The following ZNF547 variants were observed in gnomAD, a reference collection of about 807,000 sequenced individuals.
ZNF547 encodes zinc finger protein 547.
Under a neutral mutation model 7.7 loss-of-function variants are expected in ZNF547, and 4 were observed. The observed-to-expected ratio is 0.52, with a 90% CI of 0.26 to 1.20. ZNF547 has a LOEUF of 1.20. Ranked by LOEUF, ZNF547 falls within the 50% of genes most tolerant of loss-of-function variation. The pLI is 0.14. For synonymous variants in ZNF547, 166 were observed against 166.2 expected (o/e 1.00, Z 0.01); for missense variants, 449 against 485.8 (o/e 0.92, Z 0.71).
chr19:57,364,824 A>G (rs772918664), intron 1 of ZNF547: 6 of 1,597,780 alleles, frequency 3.8e-6, no homozygotes, highest in Non-Finnish European at 4.3e-6. Context: ...GGAGCCATAT[A>G]TTGAAGACCA....
chr19:57,378,794 C>G lies in ZNF547; in HGVS notation c.*609C>G. ...TTAACATTGTTGAGCAAAGAATATCCTGAACTCTTTATCTTGTAAAATGAA... is the reference window on the plus strand; with the variant it reads ...TTAACATTGTTGAGCAAAGAATATCGTGAACTCTTTATCTTGTAAAATGAA... On this transcript the variant is annotated 3_prime_UTR_variant, in exon 4 of 4. Coordinates refer to ENST00000282282, the MANE Select transcript of ZNF547 (RefSeq NM_173631.4). 2.2e-6 allele frequency: 1 copy of G among 447,400 alleles called. No homozygotes were observed. The highest frequency in any genetic ancestry group is 6.4e-5 in the East Asian group (1 of 15,630). 27.7% of individuals were successfully genotyped at this position (447,400 alleles called of 1,614,324 possible).
chr19:57,374,779 G>T (rs2088526190), intron 3 of ZNF547, among the ~76,000 whole-genome samples: 1 of 152,096 alleles, frequency 6.6e-6, no homozygotes, highest in Admixed American at 6.5e-5. Context: ...CTTTACTCCA[G>T]TCCCCAACAA....
At chr19:57,368,275 C>T (rs915258107) in intron 1 of ZNF547, 9 of 413,598 alleles carry the variant, frequency 2.2e-5, no homozygotes, top group African/African-American at 8.1e-5. Context: ...TGATGAGCAA[C>T]GAGTGTTTGA....
chr19:57,363,731 C>CCA (rs374592293), intron 1 of ZNF547, 28 bp downstream of exon 1: 10,538 of 151,236 alleles, frequency 0.07, 461 homozygotes, highest in African/African-American at 0.13. Flanking sequence ...GGCCCCCCCC[C>CCA]ACCTCCGCCC....
At position 57,371,773 on chromosome 19, in the gene ZNF547, A is replaced by G. The variant is rs771809424; in HGVS notation, c.25-9A>G. Reference sequence around the variant, plus strand: ...GCTGCTCATGTATTCATCTTTCCCAATTTGGCAGGGTCATGTGGTTTTTGA... The same window carrying G: ...GCTGCTCATGTATTCATCTTTCCCAGTTTGGCAGGGTCATGTGGTTTTTGA... On this transcript the variant is annotated splice_polypyrimidine_tract_variant and intron_variant, in intron 2 of 3. Transcript: ENST00000282282. 7 of 1,603,302 alleles carry G rather than the reference A, an allele frequency of 4.4e-6. No homozygotes were observed. The highest frequency in any genetic ancestry group is 1.7e-4 in the Middle Eastern group (1 of 6,012).
At chr19:57,365,062 A>G (rs762009429) in intron 1 of ZNF547, 7 of 1,611,118 alleles carry the variant, frequency 4.3e-6, no homozygotes, top group Non-Finnish European at 5.9e-6. Context: ...AGCATTTGTC[A>G]CCGCGGGGCA....
intron 1 of ZNF547, among the ~76,000 whole-genome samples, chr19:57,366,284 G>A (rs12052112): frequency 6.7e-6 from 1 of 150,310 alleles, no homozygotes; most frequent in African/African-American, 2.5e-5. Context: ...GCAGTGGCAC[G>A]ATCTTGGCTC....
chr19:57,371,707 T>G (rs776244080), intron 2 of ZNF547, 75 bp from the exon 3 acceptor site: 2 of 1,532,174 alleles, frequency 1.3e-6, no homozygotes, highest in Non-Finnish European at 1.8e-6. Context: ...TAAATATAAG[T>G]AGAAAATAAA....
chr19:57,375,913 AG>A (rs2088533168), intron 3 of ZNF547, among the ~76,000 whole-genome samples: 1 of 152,078 alleles, frequency 6.6e-6, no homozygotes, highest in South Asian at 2.1e-4. Context: ...CTGTAATCCC[AG>A]CACTTTGGGA....
intron 3 of ZNF547, among the ~76,000 whole-genome samples, chr19:57,376,076 T>C (rs1290112809): frequency 6.6e-6 from 1 of 152,146 alleles, no homozygotes. Context: ...GGCAGGATAA[T>C]CACTTGAACC....
At chr19:57,376,103 C>G (rs1330531550) in intron 3 of ZNF547, among the ~76,000 whole-genome samples, 1 of 152,158 alleles carries the variant, frequency 6.6e-6, no homozygotes, top group Non-Finnish European at 1.5e-5. Flanking sequence ...GCAGATGTTG[C>G]AGTTAGCAGA....
At chr19:57,366,434 T>G (rs2088470208) in intron 1 of ZNF547, among the ~76,000 whole-genome samples, 1 of 151,082 alleles carries the variant, frequency 6.6e-6, no homozygotes, top group South Asian at 2.1e-4. Context: ...GGTCTTGAAC[T>G]CCTGACCTCA....
rs755846192 is a variant in ZNF547, at chr19:57,377,144, T to G, written c.168T>G (p.Ala56=). The change falls in exon 4 of 4, where the codon GCT becomes GCG. Residue 56 remains alanine, a synonymous_variant. Coordinates refer to ENST00000282282, the MANE Select transcript of ZNF547 (RefSeq NM_173631.4). ...TTCTTACAGGTTGTTGCCATGGAGC[T>G]GAGGATGAGGAGGCACCTTTAGAGC... ...LLSSLGCCHG[A]EDEEAPLEPG... 6.2e-7 allele frequency: 1 copy of G among 1,613,166 alleles called. No individual in the cohort carries two copies. Among genetic ancestry groups the G allele is most frequent in the Non-Finnish European group, 8.5e-7 (1 of 1,179,246 alleles).
intron 3 of ZNF547, among the ~76,000 whole-genome samples, chr19:57,375,118 G>C (rs1458752315): frequency 6.6e-6 from 1 of 151,988 alleles, no homozygotes; most frequent in Non-Finnish European, 1.5e-5. Context: ...TGGGAGGCTG[G>C]GGCAGGTGGA....
chr19:57,377,820 A>G lies in ZNF547; in HGVS notation c.844A>G (p.Asn282Asp), dbSNP rs148054276. The part of the protein sequence containing the change: ...ECGKFFKCNS[N>D]LFRHYRIHTG... ...TGGGAAGTTCTTTAAGTGCAACTCAAACCTCTTTAGGCATTACAGAATTCA... is the reference window on the plus strand; with the variant it reads ...TGGGAAGTTCTTTAAGTGCAACTCAGACCTCTTTAGGCATTACAGAATTCA... The change falls in exon 4 of 4, where the codon AAC (asparagine) becomes GAC (aspartate). Residue 282 changes from asparagine (N) to aspartate (D), a missense_variant. Asn to Asp is a conservative substitution (Grantham distance 23). Transcript: ENST00000282282. 5.1e-5 allele frequency: 83 copies of G among 1,614,120 alleles called. No individual in the cohort carries two copies. The highest frequency in any genetic ancestry group is 1.6e-4 in the Middle Eastern group (1 of 6,062).
Position 57,378,785 on chromosome 19 carries a change from A to G in ZNF547, c.*600A>G, listed in dbSNP as rs1381135158. ...TGAAGTACATTAACATTGTTGAGCAAAGAATATCCTGAACTCTTTATCTTG... is the reference window on the plus strand; with the variant it reads ...TGAAGTACATTAACATTGTTGAGCAGAGAATATCCTGAACTCTTTATCTTG... On this transcript the variant is annotated 3_prime_UTR_variant, in exon 4 of 4. Coordinates refer to ENST00000282282, the MANE Select transcript of ZNF547 (RefSeq NM_173631.4). 1 of 451,484 alleles carries G rather than the reference A, an allele frequency of 2.2e-6. No homozygotes were observed. The highest frequency in any genetic ancestry group is 1.6e-5 in the South Asian group (1 of 61,076). The allele number at this position is 451,484 out of a possible 1,614,324, so 28.0% of individuals were successfully genotyped here.
At chr19:57,369,899 C>CTTTTTTGTTTTTTTTT (rs2088493765) in intron 2 of ZNF547, among the ~76,000 whole-genome samples, 1 of 51,678 alleles carries the variant, frequency 1.9e-5, no homozygotes, top group Non-Finnish European at 3.3e-5. Context: ...ACTCACAGTT[C>CTTTTTTGTTTTTTTTT]TTTTTTTTTT....
At chr19:57,373,349 C>G (rs2088517953) in intron 3 of ZNF547, among the ~76,000 whole-genome samples, 2 of 152,088 alleles carry the variant, frequency 1.3e-5, no homozygotes, top group South Asian at 4.2e-4. Flanking sequence ...CTGGTCCCAC[C>G]CTTGACACGT....
chr19:57,379,185 G>C lies in ZNF547; in HGVS notation c.*1000G>C, dbSNP rs1294674080. Reference sequence around the variant, plus strand: ...AGACCCTGCTTTCAATTCTTATTGGGTACCCCAAAAAGTGGAACTGCTGGA... The same window carrying C: ...AGACCCTGCTTTCAATTCTTATTGGCTACCCCAAAAAGTGGAACTGCTGGA... On this transcript the variant is annotated 3_prime_UTR_variant, in exon 4 of 4. Coordinates refer to ENST00000282282, the MANE Select transcript of ZNF547 (RefSeq NM_173631.4). 6.6e-6 allele frequency: 1 copy of C among 152,324 alleles called. No homozygotes were observed. Among genetic ancestry groups the C allele is most frequent in the African/African-American group, 2.4e-5 (1 of 41,434 alleles). The allele number at this position is 152,324 out of a possible 1,614,324, so 9.4% of individuals were successfully genotyped here.
Sources: gnomAD v4.1 joint callset for allele counts (sites outside exome capture counted in the v4.1 genomes callset) on GRCh38, gnomAD v4.1.1 for gene constraint, MANE v1.5 for transcripts, NCBI Gene and HGNC (gene_info 2026-07-23, HGNC 2026-07-21) for gene names.